Variants in FRMPD4 observed in about 807,000 individuals in gnomAD.
FRMPD4 encodes the protein FERM and PDZ domain containing 4.
Under a neutral mutation model 94.1 loss-of-function variants are expected in FRMPD4, and 22 were observed. The ratio of observed to expected loss-of-function variants is 0.23; its 90% CI spans 0.17 to 0.33. The LOEUF (loss-of-function observed/expected upper bound fraction) is 0.33, where lower values mean the gene tolerates loss of function less well. Ranked by LOEUF, FRMPD4 falls within the 10% of genes least tolerant of loss-of-function variation. The pLI is 1.00. For missense variants in FRMPD4, 1,111 were observed against 1,339.9 expected (o/e 0.83, Z 2.67); for synonymous variants, 631 against 548.6 (o/e 1.15, Z -2.10).
In FRMPD4 at chrX:12,320,434, C is replaced by T. The variant is rs769890925; in HGVS notation, c.42-178246C>T. Among the ~76,000 whole-genome samples the T allele has an allele frequency of 7.2e-5, 8 of 111,587 alleles. No homozygotes were observed. In the South Asian group the frequency reaches 3.0e-3, roughly 42 times the overall value. On this transcript the variant is annotated intron_variant, in intron 1 of 16. Transcript: ENST00000675598. ...ATGCAAGTCTCTAAACCCCAGCAGT[C>T]TACATCCTGAATGCAAAGCACCCCC...
intron 3 of FRMPD4, among the ~76,000 whole-genome samples, chrX:11,897,668 A>G (rs897506182): frequency 3.6e-5 from 4 of 112,417 alleles, no homozygotes; most frequent in African/African-American, 1.3e-4. Flanking sequence ...TTATTCATTC[A>G]TTCAGTATAC....
chrX:12,360,152 TACATACTGC>T (rs1373852547), intron 1 of FRMPD4, among the ~76,000 whole-genome samples: 1 of 112,722 alleles, frequency 8.9e-6, no homozygotes, highest in African/African-American at 3.2e-5. Context: ...GTACATACTG[TACATACTGC>T]ACTATACCTT....
intron 1 of FRMPD4, among the ~76,000 whole-genome samples, chrX:12,170,982 G>T (rs1000033183): frequency 8.8e-6 from 1 of 113,461 alleles, no homozygotes; most frequent in African/African-American, 3.2e-5. Flanking sequence ...AGATGATAGC[G>T]CACTGCGCTT....
chrX:12,403,760 T>C (rs945392633), intron 1 of FRMPD4, among the ~76,000 whole-genome samples: 4 of 111,541 alleles, frequency 3.6e-5, no homozygotes, highest in African/African-American at 1.3e-4. Context: ...AGATGCTTTC[T>C]GCTCTCCCCT....
chrX:12,379,642 C>CGTGTGTGTGTGT lies in FRMPD4; in HGVS notation c.42-119007_42-118996dup, dbSNP rs55742933. On this transcript the variant is annotated intron_variant, in intron 1 of 16. Transcript: ENST00000675598. Reference sequence around the variant, plus strand: ...AATATACATTTTATTGATATGCTGCCGTGTGTGTGTGTGTGTGTGTGTGTG... The same window carrying CGTGTGTGTGTGT: ...AATATACATTTTATTGATATGCTGCCGTGTGTGTGTGTGTGTGTGTGTGTGTGTGTGTGTGTG... 4.5e-3 allele frequency among the ~76,000 whole-genome samples: 408 copies of CGTGTGTGTGTGT among 89,969 alleles called. 2 individuals carry two copies. Among genetic ancestry groups the CGTGTGTGTGTGT allele is most frequent in the African/African-American group, 0.015 (362 of 24,826 alleles). 78.1% of individuals were successfully genotyped at this position (89,969 alleles called of 115,157 possible).
At chrX:12,222,705 ATTTTG>A (rs2056882537) in intron 1 of FRMPD4, among the ~76,000 whole-genome samples, 1 of 112,231 alleles carries the variant, frequency 8.9e-6, no homozygotes, top group South Asian at 3.7e-4. Flanking sequence ...TGTCTTTATA[ATTTTG>A]TTTTGTCTAG....
chrX:11,886,372 AT>A (rs987835918), intron 3 of FRMPD4, among the ~76,000 whole-genome samples: 15 of 108,109 alleles, frequency 1.4e-4, no homozygotes, highest in South Asian at 3.9e-4. Flanking sequence ...TAGACAAACC[AT>A]TTTTTTTTTC....
chrX:11,868,424 C>T (rs2053735017), intron 2 of FRMPD4, among the ~76,000 whole-genome samples: 1 of 111,785 alleles, frequency 8.9e-6, no homozygotes, highest in Non-Finnish European at 1.9e-5. Context: ...GATGATCAGG[C>T]CACCTATGCA....
chrX:11,884,005 T>A (rs1227193847), intron 3 of FRMPD4, among the ~76,000 whole-genome samples: 1 of 111,819 alleles, frequency 8.9e-6, no homozygotes, highest in Admixed American at 9.5e-5. Flanking sequence ...CAAATGGATG[T>A]CCTTTCTTCA....
At chrX:12,377,228 C>T (rs2056251594) in intron 1 of FRMPD4, among the ~76,000 whole-genome samples, 1 of 111,866 alleles carries the variant, frequency 8.9e-6, no homozygotes, top group African/African-American at 3.3e-5. Context: ...TTAAGGGGGA[C>T]AAAAAATCAA....
intron 3 of FRMPD4, among the ~76,000 whole-genome samples, chrX:12,043,700 G>A (rs964417242): frequency 9.0e-6 from 1 of 111,537 alleles, no homozygotes; most frequent in East Asian, 2.8e-4. Flanking sequence ...TTAATTTAAA[G>A]GACTACATTT....
At chrX:12,675,360 C>T (rs942785817) in intron 5 of FRMPD4, among the ~76,000 whole-genome samples, 42 of 103,656 alleles carry the variant, frequency 4.1e-4, no homozygotes, top group African/African-American at 1.2e-3. Context: ...TGTCAGAATT[C>T]GATTTCAGCT....
At chrX:12,238,582 A>T (rs1256183755) in intron 1 of FRMPD4, among the ~76,000 whole-genome samples, 2 of 112,637 alleles carry the variant, frequency 1.8e-5, no homozygotes, top group Non-Finnish European at 3.8e-5. Context: ...TGTATAATTA[A>T]AATGTATACT....
At chrX:12,550,934 G>GTATA (rs10573816) in intron 2 of FRMPD4, among the ~76,000 whole-genome samples, 5 of 106,131 alleles carry the variant, frequency 4.7e-5, no homozygotes, top group African/African-American at 6.8e-5. Context: ...ATATGCATAT[G>GTATA]TATATATATA....
chrX:12,206,082 A>C (rs1234656018), intron 1 of FRMPD4, among the ~76,000 whole-genome samples: 2 of 111,947 alleles, frequency 1.8e-5, no homozygotes, highest in Non-Finnish European at 3.8e-5. Context: ...ACCAAGATAA[A>C]CCTGGTGACA....
At chrX:12,135,903 C>G (rs942512655), upstream of FRMPD4, among the ~76,000 whole-genome samples, 1 of 111,819 alleles carries the variant, frequency 8.9e-6, no homozygotes, top group Non-Finnish European at 1.9e-5. Flanking sequence ...CAATCACGAG[C>G]TGGTCTTGTG....
intron 2 of FRMPD4, among the ~76,000 whole-genome samples, chrX:11,873,677 G>C (rs926685113): frequency 9.5e-6 from 1 of 105,691 alleles, no homozygotes; most frequent in African/African-American, 3.5e-5. Context: ...CTATAGACTC[G>C]ACGCAATCTC....
chrX:12,683,666 G>A, intron 6 of FRMPD4, 79 bp downstream of exon 6: 1 of 516,923 alleles, frequency 1.9e-6, no homozygotes, highest in Non-Finnish European at 3.4e-6. Context: ...AAAGTCAGTA[G>A]TCCCACTGGA....
intron 3 of FRMPD4, among the ~76,000 whole-genome samples, chrX:11,942,741 A>C (rs759037192): frequency 8.9e-6 from 1 of 111,911 alleles, no homozygotes; most frequent in Non-Finnish European, 1.9e-5. Flanking sequence ...AACCATTTTA[A>C]AGTATACAGT....
Sources: allele counts gnomAD v4.1 joint callset (sites outside exome capture counted in the v4.1 genomes callset), GRCh38; gene constraint gnomAD v4.1.1; transcripts MANE v1.5; gene names NCBI Gene and HGNC (gene_info 2026-07-23, HGNC 2026-07-21).